STARD13: variants seen among roughly 807,000 people sequenced by gnomAD.
The protein encoded by STARD13 is stAR-related lipid transfer protein 13.
Under a neutral mutation model 106.4 loss-of-function variants are expected in STARD13, and 62 were observed. That is an observed-to-expected ratio of 0.58 (90% CI 0.48 to 0.72). The LOEUF is 0.72. STARD13 is among the 30% of genes least tolerant of loss of function. The pLI, the probability that STARD13 is intolerant of heterozygous loss-of-function variation, is 0.00. For synonymous variants in STARD13, 565 were observed against 553.0 expected, an observed-to-expected ratio of 1.02 and a Z score of -0.31; for missense variants, 1,387 against 1,424.0, an observed-to-expected ratio of 0.97 and a Z score of 0.42.
At position 33,110,787 on chromosome 13, in the gene STARD13, G is replaced by A; in HGVS notation, c.2728C>T (p.Leu910=). The A allele has an allele frequency of 1.2e-6, 2 of 1,614,206 alleles. No homozygotes were observed. The part of the protein sequence containing the change: ...EESGATFHTY[L]NHLIQGLQKE... ...TGGAGGCCCTGGATGAGATGGTTCAGGTAAGTGTGGAAAGTTGCCCCACTC... is the reference window on the plus strand; with the variant it reads ...TGGAGGCCCTGGATGAGATGGTTCAAGTAAGTGTGGAAAGTTGCCCCACTC... Residue 910 remains leucine (L), a synonymous_variant, in exon 11 of 14, where the codon CTG becomes TTG. Coordinates refer to ENST00000336934, the MANE Select transcript of STARD13 (RefSeq NM_178006.4).
the STARD13 span, among the ~76,000 whole-genome samples, chr13:33,660,107 C>T: frequency 6.6e-6 from 1 of 152,144 alleles, no homozygotes; most frequent in Non-Finnish European, 1.5e-5. Flanking sequence ...TGTGGCCAGG[C>T]CAGCTACGCT....
At position 33,185,877 on chromosome 13, in the gene STARD13, C is replaced by A. The variant is rs2138477491; in HGVS notation, c.170-18255G>T. On this transcript the variant is annotated intron_variant, in intron 1 of 13. Coordinates refer to ENST00000336934, the MANE Select transcript of STARD13 (RefSeq NM_178006.4). ...ACATGCCCTTCTGATCCAGCACTTA[C>A]CCCGGCGCTGGAATGTGTGGTTCAC... 6 of 1,614,002 alleles carry A rather than the reference C, an allele frequency of 3.7e-6. No homozygotes were observed. In the East Asian group the frequency reaches 6.7e-5, roughly 18 times the overall value.
intron 11 of STARD13, 124 bp downstream of exon 11, chr13:33,110,562 G>T: frequency 1.3e-6 from 1 of 780,148 alleles, no homozygotes; most frequent in Non-Finnish European, 2.2e-6. Flanking sequence ...TGGTTCATGT[G>T]CCTTAACTGT....
At chr13:33,421,295 C>T in the STARD13 span, among the ~76,000 whole-genome samples, 98 of 152,242 alleles carry the variant, frequency 6.4e-4, 2 homozygotes, top group South Asian at 0.02. Context: ...ATATGAACTA[C>T]CATCAGAGAA....
At chr13:33,366,771 C>A in the STARD13 span, among the ~76,000 whole-genome samples, 1 of 152,182 alleles carries the variant, frequency 6.6e-6, no homozygotes, top group African/African-American at 2.4e-5. This position sits in a 1 kb window ranked among gnomAD's most constrained non-coding sequence, Gnocchi z 4.2. Context: ...ATTATTGGAC[C>A]TCTGGATTAA....
At chr13:33,507,015 C>T in the STARD13 span, among the ~76,000 whole-genome samples, 31 of 152,092 alleles carry the variant, frequency 2.0e-4, no homozygotes, top group African/African-American at 6.5e-4. Flanking sequence ...GTGAGAGGAT[C>T]GCTTGAGCTT....
At chr13:33,419,812 A>G in the STARD13 span, among the ~76,000 whole-genome samples, 3 of 152,334 alleles carry the variant, frequency 2.0e-5, no homozygotes, top group East Asian at 5.8e-4. Context: ...CTACATTCTT[A>G]AAGAAAAGAA....
rs911374855 is a variant in STARD13 at position 33,111,009 on chromosome 13, G to C, written c.2608-102C>G. ...CACCCACAACCCGGCTCTGAGCCAC[G>C]GGCCGAGGGCCACACGGCCAGAGAT... On this transcript the variant is annotated intron_variant, in intron 10 of 13. Transcript: ENST00000336934. The C allele has an allele frequency of 1.5e-5, 15 of 970,028 alleles. No homozygotes were observed. In the East Asian group the frequency reaches 3.6e-4, roughly 23 times the overall value. 60.1% of individuals were successfully genotyped at this position (970,028 alleles called of 1,614,324 possible).
chr13:33,622,737 T>C, the STARD13 span, among the ~76,000 whole-genome samples: 3 of 141,578 alleles, frequency 2.1e-5, no homozygotes, highest in African/African-American at 8.0e-5. Flanking sequence ...CTGGCTAACA[T>C]GGTAAAACCC....
the STARD13 span, among the ~76,000 whole-genome samples, chr13:33,457,262 A>G: frequency 6.6e-6 from 1 of 152,252 alleles, no homozygotes; most frequent in Admixed American, 6.5e-5. Context: ...TTTGTGAAAT[A>G]AACAACCACT....
the STARD13 span, among the ~76,000 whole-genome samples, chr13:33,512,315 A>G: frequency 2.6e-5 from 4 of 152,196 alleles, no homozygotes; most frequent in South Asian, 2.1e-4. Flanking sequence ...AAATTTTACA[A>G]TGCAAATCAG....
chr13:33,172,243 G>A (rs1884044760), intron 1 of STARD13, among the ~76,000 whole-genome samples: 1 of 152,002 alleles, frequency 6.6e-6, no homozygotes, highest in Non-Finnish European at 1.5e-5. Flanking sequence ...AAAAAAAATG[G>A]GAAATTTACT....
chr13:33,117,048 G>A (rs1268059661), intron 8 of STARD13, among the ~76,000 whole-genome samples: 1 of 152,146 alleles, frequency 6.6e-6, no homozygotes, highest in Non-Finnish European at 1.5e-5. Flanking sequence ...TTGGGATCTG[G>A]ACCATCAAAA....
chr13:33,301,488 G>A (rs1892705833), intron 1 of STARD13, among the ~76,000 whole-genome samples: 1 of 152,018 alleles, frequency 6.6e-6, no homozygotes, highest in African/African-American at 2.4e-5. Flanking sequence ...ACTCAAAGCT[G>A]CTGGTATACA....
upstream of STARD13, among the ~76,000 whole-genome samples, chr13:33,288,903 T>C (rs370520568): frequency 1.3e-3 from 203 of 152,374 alleles, 2 homozygotes; most frequent in African/African-American, 4.7e-3. Flanking sequence ...GCTAAAGTAT[T>C]GCCATTGCTA....
At chr13:33,308,934 C>G (rs2138492033) in intron 1 of STARD13, among the ~76,000 whole-genome samples, 1 of 152,336 alleles carries the variant, frequency 6.6e-6, no homozygotes, top group Admixed American at 6.5e-5. Context: ...TAAGTGCATG[C>G]TATGAGCTTC....
the STARD13 span, among the ~76,000 whole-genome samples, chr13:33,635,229 G>A: frequency 6.6e-6 from 1 of 151,554 alleles, no homozygotes; most frequent in East Asian, 1.9e-4. Context: ...AGCAGAGCAG[G>A]GCACTGACCA....
At chr13:33,633,338 A>G in the STARD13 span, among the ~76,000 whole-genome samples, 5,974 of 152,266 alleles carry the variant, frequency 0.039, 398 homozygotes, top group African/African-American at 0.13. Flanking sequence ...TGTAAATGGA[A>G]TCGTAGATCA....
At chr13:33,112,597 T>G in intron 9 of STARD13, 124 bp downstream of exon 9, 1 of 783,688 alleles carries the variant, frequency 1.3e-6, no homozygotes, top group South Asian at 2.0e-5. Context: ...TACCTATCTA[T>G]CTATAATCTG....
Sources: allele counts gnomAD v4.1 joint callset (sites outside exome capture counted in the v4.1 genomes callset), GRCh38; gene constraint gnomAD v4.1.1; non-coding constraint Gnocchi (gnomAD v3.1); transcripts MANE v1.5; gene names NCBI Gene and HGNC (gene_info 2026-07-23, HGNC 2026-07-21).